Variants in USP10 observed in about 807,000 individuals in gnomAD.
USP10 encodes the protein ubiquitin carboxyl-terminal hydrolase 10.
Under a neutral mutation model 84.5 loss-of-function variants are expected in USP10, and 22 were observed. The observed-to-expected ratio is 0.26, with a 90% CI of 0.19 to 0.37. The LOEUF (loss-of-function observed/expected upper bound fraction) is 0.37. USP10 is among the 10% of genes least tolerant of loss of function. The pLI, the probability that USP10 is intolerant of heterozygous loss-of-function variation, is 1.00. For synonymous variants in USP10, 454 were observed against 387.6 expected (o/e 1.17, Z -2.01); for missense variants, 1,019 against 998.9 (o/e 1.02, Z -0.27).
chr16:84,748,431 G>A (rs1200271875), intron 4 of USP10, among the ~76,000 whole-genome samples: 1 of 151,814 alleles, frequency 6.6e-6, no homozygotes, highest in Non-Finnish European at 1.5e-5. Flanking sequence ...AGCCTCCCTA[G>A]TAGCTGGGAC....
intron 4 of USP10, among the ~76,000 whole-genome samples, chr16:84,757,128 A>T (rs1403191640): frequency 6.6e-6 from 1 of 152,212 alleles, no homozygotes; most frequent in African/African-American, 2.4e-5. Context: ...TGTCCCTCAC[A>T]TGACAGGTGC....
intron 1 of USP10, among the ~76,000 whole-genome samples, chr16:84,718,730 T>A (rs1446038114): frequency 6.6e-6 from 1 of 151,770 alleles, no homozygotes; most frequent in Non-Finnish European, 1.5e-5. Context: ...CACTCCAGGT[T>A]GGGCAACAGA....
At chr16:84,708,999 C>G (rs964448633) in intron 1 of USP10, 1 of 152,182 alleles carries the variant, frequency 6.6e-6, no homozygotes. Context: ...GTGGTAATTC[C>G]TGTAACACAA....
chr16:84,731,298 T>TA (rs1052994537), intron 1 of USP10, among the ~76,000 whole-genome samples: 6 of 151,716 alleles, frequency 4.0e-5, no homozygotes, highest in South Asian at 2.1e-4. Flanking sequence ...TTTTTTTTTT[T>TA]AACTGCTCGT....
chr16:84,735,425 C>G (rs1275663152), intron 2 of USP10, among the ~76,000 whole-genome samples: 2 of 152,146 alleles, frequency 1.3e-5, no homozygotes, highest in African/African-American at 2.4e-5. Context: ...CACCGTATTT[C>G]AAGTCTGAAG....
chr16:84,722,911 A>C (rs1907994079), intron 1 of USP10, among the ~76,000 whole-genome samples: 1 of 152,180 alleles, frequency 6.6e-6, no homozygotes, highest in Admixed American at 6.5e-5. Flanking sequence ...TGTCCCTAGG[A>C]ACATGAGTTC....
At chr16:84,743,311 C>T (rs1910838299) in intron 3 of USP10, among the ~76,000 whole-genome samples, 1 of 152,170 alleles carries the variant, frequency 6.6e-6, no homozygotes, top group Admixed American at 6.5e-5. Flanking sequence ...CTGCCACCAC[C>T]CTTCACCCCC....
chr16:84,700,325 G>A (rs1402405876), intron 1 of USP10, among the ~76,000 whole-genome samples: 1 of 152,038 alleles, frequency 6.6e-6, no homozygotes, highest in East Asian at 1.9e-4. Context: ...CTAGTCCCGG[G>A]GAGGTCGAAG....
chr16:84,750,781 C>T lies in USP10; in HGVS notation c.1192+5108C>T, dbSNP rs138612909. ...TGGGTAAGAAGAGTGGCCAACTGCCCGATAAGTTAAAATTCCAGTGAGAGA... is the reference window on the plus strand; with the variant it reads ...TGGGTAAGAAGAGTGGCCAACTGCCTGATAAGTTAAAATTCCAGTGAGAGA... On this transcript the variant is annotated intron_variant, in intron 4 of 13. Coordinates refer to ENST00000219473, the MANE Select transcript of USP10 (RefSeq NM_005153.3). Among the ~76,000 whole-genome samples, 624 of 152,174 alleles carry T rather than the reference C, an allele frequency of 4.1e-3. 8 individuals are homozygous for T. The highest frequency in any genetic ancestry group is 0.014 in the African/African-American group (594 of 41,504).
chr16:84,755,845 A>C (rs1017386914), intron 4 of USP10, among the ~76,000 whole-genome samples: 4 of 151,962 alleles, frequency 2.6e-5, no homozygotes, highest in Admixed American at 2.0e-4. Flanking sequence ...ATATACATAT[A>C]CGATTTACTG....
intron 10 of USP10, 101 bp from the exon 11 acceptor site, chr16:84,768,092 T>G (rs760539726): frequency 2.3e-6 from 3 of 1,290,876 alleles, no homozygotes; most frequent in Non-Finnish European, 3.1e-6. Flanking sequence ...GAAAGTGATA[T>G]TGAATAATCT....
At chr16:84,766,380 A>G (rs1913862421) in intron 10 of USP10, among the ~76,000 whole-genome samples, 1 of 152,240 alleles carries the variant, frequency 6.6e-6, no homozygotes, top group Non-Finnish European at 1.5e-5. Flanking sequence ...GGAAACACCC[A>G]GCCCTGACCA....
intron 1 of USP10, chr16:84,733,167 C>CA: frequency 1.9e-6 from 1 of 526,358 alleles, no homozygotes; most frequent in Non-Finnish European, 3.6e-6. Context: ...CAGGACTCGA[C>CA]AAGTTTGGCA....
chr16:84,732,740 G>A (rs569814071), intron 1 of USP10, among the ~76,000 whole-genome samples: 14 of 152,262 alleles, frequency 9.2e-5, no homozygotes, highest in South Asian at 2.1e-4. Flanking sequence ...GAGCTACTGC[G>A]CCAGGCCTCA....
chr16:84,777,002 G>A (rs76089031), intron 13 of USP10, among the ~76,000 whole-genome samples: 51,695 of 152,110 alleles, frequency 0.34, 9,470 homozygotes, highest in East Asian at 0.63. Flanking sequence ...GAATAGAGAC[G>A]AGGTTTCGCC....
chr16:84,738,314 A>G (rs916625242), intron 2 of USP10, among the ~76,000 whole-genome samples: 1 of 152,240 alleles, frequency 6.6e-6, no homozygotes, highest in South Asian at 2.1e-4. Context: ...TTGTGTAAAA[A>G]TAGAGTGATT....
At chr16:84,772,168 C>T (rs1228351155) in intron 11 of USP10, among the ~76,000 whole-genome samples, 1 of 152,158 alleles carries the variant, frequency 6.6e-6, no homozygotes, top group Non-Finnish European at 1.5e-5. Flanking sequence ...TCTCTTGCCT[C>T]TGCCACCCAG....
chr16:84,708,962 T>C (rs1355800215), intron 1 of USP10: 1 of 152,258 alleles, frequency 6.6e-6, no homozygotes, highest in East Asian at 1.9e-4. Context: ...AGAAGCAGGC[T>C]AATGGCTGGG....
At chr16:84,767,648 G>A (rs999203750) in intron 10 of USP10, among the ~76,000 whole-genome samples, 10 of 152,240 alleles carry the variant, frequency 6.6e-5, no homozygotes, top group African/African-American at 2.4e-4. Flanking sequence ...ACAGTGTGGA[G>A]AGGAAGTGAA....
Sources: allele counts gnomAD v4.1 joint callset (sites outside exome capture counted in the v4.1 genomes callset), GRCh38; gene constraint gnomAD v4.1.1; transcripts MANE v1.5; gene names NCBI Gene and HGNC (gene_info 2026-07-23, HGNC 2026-07-21).